ACOXL: variants seen among roughly 807,000 people sequenced by gnomAD.
The protein encoded by ACOXL is acyl-CoA oxidase like.
A neutral mutation model predicts 71.9 loss-of-function variants in ACOXL; 70 were observed. That is an observed-to-expected ratio of 0.97 (90% CI 0.80 to 1.19). The LOEUF is 1.19. ACOXL is among the 50% of genes most tolerant of loss of function. The pLI, the probability that ACOXL is intolerant of heterozygous loss-of-function variation, is 0.00. For missense variants in ACOXL, 703 were observed against 736.3 expected, an observed-to-expected ratio of 0.95 and a Z score of 0.52; for synonymous variants, 253 against 281.6, an observed-to-expected ratio of 0.90 and a Z score of 1.02.
chr2:110,971,834 TA>T (rs1419366332), intron 12 of ACOXL, among the ~76,000 whole-genome samples: 1 of 152,246 alleles, frequency 6.6e-6, no homozygotes, highest in Non-Finnish European at 1.5e-5. Context: ...GAATATTCAG[TA>T]ATTCAGACAT....
chr2:110,942,685 A>G (rs1339014161), intron 12 of ACOXL, among the ~76,000 whole-genome samples: 1 of 151,744 alleles, frequency 6.6e-6, no homozygotes, highest in African/African-American at 2.4e-5. Context: ...CAGGAGTTCA[A>G]GAGTTCAAGA....
At position 110,944,841 on chromosome 2, in the gene ACOXL, T is replaced by A. The variant is rs1408532224; in HGVS notation, c.1059+11199T>A. On this transcript the variant is annotated intron_variant, in intron 12 of 17. Coordinates refer to ENST00000439055, the MANE Select transcript of ACOXL (RefSeq NM_001142807.4). ...TGTGTCTTTATGGTAGAATGATTTA[T>A]ATTTATTTGGACATATAACCAATAA... 3.3e-5 allele frequency among the ~76,000 whole-genome samples: 5 copies of A among 152,258 alleles called. No individual in the cohort carries two copies. The East Asian group carries it at 9.6e-4, about 29-fold the overall frequency.
chr2:110,798,450 G>A (rs575205589), intron 5 of ACOXL, among the ~76,000 whole-genome samples, 160 bp from the exon 6 acceptor site: 1 of 152,090 alleles, frequency 6.6e-6, no homozygotes, highest in South Asian at 2.1e-4. Flanking sequence ...TAGAGACGGG[G>A]TTTCACCATG....
chr2:111,017,550 G>A lies in ACOXL; in HGVS notation c.1282-14077G>A, dbSNP rs921516905. Among the ~76,000 whole-genome samples the A allele has an allele frequency of 7.6e-4, 116 of 152,240 alleles. 1 individual carries two copies. Among genetic ancestry groups the A allele is most frequent in the African/African-American group, 2.8e-3 (115 of 41,462 alleles). On this transcript the variant is annotated intron_variant, in intron 14 of 17. Coordinates refer to ENST00000439055, the MANE Select transcript of ACOXL (RefSeq NM_001142807.4). ...GAGGCATTTAGAACCAAGCATGCAGGTGACATGCATGATTAGGACACAGCA... is the reference window on the plus strand; with the variant it reads ...GAGGCATTTAGAACCAAGCATGCAGATGACATGCATGATTAGGACACAGCA...
Position 110,968,397 on chromosome 2 carries a change from G to A in ACOXL, c.1060-18711G>A, listed in dbSNP as rs1039219815. The A allele has an allele frequency of 1.6e-5, 18 of 1,147,552 alleles. No individual in the cohort carries two copies. In the African/African-American group the frequency reaches 1.8e-4, roughly 12 times the overall value. 71.1% of individuals were successfully genotyped at this position (1,147,552 alleles called of 1,614,324 possible). ...TCCCTGGTTATGATTCTGAAAGCAA[G>A]GAATTTAATGCAGAAGTACACCAGA... On this transcript the variant is annotated intron_variant, in intron 12 of 17. Transcript: ENST00000439055.
intron 9 of ACOXL, among the ~76,000 whole-genome samples, chr2:110,829,566 T>C (rs1689577638): frequency 1.3e-5 from 2 of 152,236 alleles, no homozygotes; most frequent in African/African-American, 4.8e-5. Flanking sequence ...AGGGTGCTTT[T>C]GCTCCAGTGT....
chr2:110,963,506 TA>T, intron 12 of ACOXL: 2 of 1,326,466 alleles, frequency 1.5e-6, no homozygotes, highest in South Asian at 4.9e-5. Flanking sequence ...ATTTTCTGTA[TA>T]TTTTTTAATT....
intron 10 of ACOXL, among the ~76,000 whole-genome samples, chr2:110,904,188 C>G (rs1442470466): frequency 6.6e-6 from 1 of 152,148 alleles, no homozygotes; most frequent in Non-Finnish European, 1.5e-5. Flanking sequence ...TGCCCACCCA[C>G]TTGTTTCCCT....
intron 9 of ACOXL, among the ~76,000 whole-genome samples, chr2:110,838,370 G>T (rs908671448): frequency 3.3e-5 from 5 of 152,226 alleles, no homozygotes; most frequent in Middle Eastern, 6.8e-3. Flanking sequence ...GTGTGTGTGC[G>T]CACACACAGG....
chr2:111,078,635 A>C (rs1003974627), intron 16 of ACOXL, among the ~76,000 whole-genome samples: 7 of 152,202 alleles, frequency 4.6e-5, no homozygotes. Flanking sequence ...ATTGTTCATT[A>C]GATAATTTTT....
chr2:110,931,801 A>G (rs1019711275), intron 11 of ACOXL, among the ~76,000 whole-genome samples: 4 of 152,248 alleles, frequency 2.6e-5, no homozygotes, highest in Admixed American at 6.5e-5. Flanking sequence ...TAGAACAACT[A>G]TAATTATTAC....
intron 14 of ACOXL, among the ~76,000 whole-genome samples, chr2:111,019,643 C>G (rs1167255256): frequency 6.6e-6 from 1 of 152,156 alleles, no homozygotes; most frequent in Admixed American, 6.5e-5. Context: ...GTGTGTGTGA[C>G]AAAAATGGTC....
chr2:110,816,634 A>G (rs1418267742), intron 9 of ACOXL, among the ~76,000 whole-genome samples: 1 of 152,162 alleles, frequency 6.6e-6, no homozygotes, highest in African/African-American at 2.4e-5. Flanking sequence ...TGACATTGTC[A>G]GTGTGACTGG....
At chr2:111,059,780 AG>A (rs1255326956) in intron 16 of ACOXL, among the ~76,000 whole-genome samples, 7 of 149,150 alleles carry the variant, frequency 4.7e-5, no homozygotes, top group Middle Eastern at 3.4e-3. Flanking sequence ...AAAAAAAAAA[AG>A]AGAGAAGAAG....
rs1052053337 is a variant in ACOXL at position 111,117,745 on chromosome 2, C to T, written c.1672C>T (p.Pro558Ser). 1.9e-6 allele frequency: 3 copies of T among 1,551,610 alleles called. No homozygotes were observed. The highest frequency in any genetic ancestry group is 1.2e-5 in the South Asian group (1 of 84,060). The change falls in exon 18 of 18, where the codon CCT becomes TCT. Residue 558 changes from proline (P) to serine (S), a missense_variant. Transcript: ENST00000439055. ...CCCGCGGGCCGCGTGGGCTTTCTAC[C>T]CTGCACCGCTGCAGCCGCGGCCACG... ...SNPRAAWAFY[P>S]APLQPRPREE...
intron 12 of ACOXL, among the ~76,000 whole-genome samples, chr2:110,969,935 C>A (rs2062108336): frequency 6.6e-6 from 1 of 152,050 alleles, no homozygotes; most frequent in Non-Finnish European, 1.5e-5. Flanking sequence ...TTGAAACAGA[C>A]AAACTGAATA....
chr2:110,890,295 G>C (rs561996413), intron 10 of ACOXL, among the ~76,000 whole-genome samples: 85 of 134,880 alleles, frequency 6.3e-4, no homozygotes, highest in African/African-American at 2.0e-3. Flanking sequence ...TAACTTTCTT[G>C]ATGACGACAT....
At chr2:110,825,452 C>G (rs559109199) in intron 9 of ACOXL, among the ~76,000 whole-genome samples, 6 of 152,116 alleles carry the variant, frequency 3.9e-5, no homozygotes, top group African/African-American at 1.4e-4. Flanking sequence ...TTATTTTGCC[C>G]TGACTTTATC....
intron 10 of ACOXL, among the ~76,000 whole-genome samples, chr2:110,854,937 A>G (rs1693056551): frequency 6.6e-6 from 1 of 152,186 alleles, no homozygotes; most frequent in African/African-American, 2.4e-5. Context: ...GGAGGAAGCT[A>G]CCAACTCTTG....
Sources: gnomAD v4.1 joint callset for allele counts (sites outside exome capture counted in the v4.1 genomes callset) on GRCh38, gnomAD v4.1.1 for gene constraint, MANE v1.5 for transcripts, NCBI Gene and HGNC (gene_info 2026-07-23, HGNC 2026-07-21) for gene names.